Variants in CPED1 observed in about 807,000 individuals in gnomAD.
CPED1 encodes the protein cadherin like and PC-esterase domain containing 1.
In CPED1, 114 loss-of-function variants were observed where a neutral mutation model predicts 128.2. That is an observed-to-expected ratio of 0.89 (90% confidence interval 0.76 to 1.04). The LOEUF is 1.04. CPED1 is among the 50% of genes least tolerant of loss of function. The probability of loss-of-function intolerance (pLI) is 0.00; values close to 1 mark genes in which losing one functional copy is unlikely to be tolerated. For synonymous variants in CPED1, 462 were observed against 426.7 expected (o/e 1.08, Z -1.02); for missense variants, 1,211 against 1,207.1 (o/e 1.00, Z -0.05).
intron 14 of CPED1, 51 bp downstream of exon 14, chr7:121,136,141 G>A: frequency 6.7e-7 from 1 of 1,497,644 alleles, no homozygotes; most frequent in Admixed American, 2.6e-5. Flanking sequence ...TTAGGGAACA[G>A]CCTTACTTTG....
rs1387991906 is a variant in CPED1, at chr7:121,216,262, A to G, written c.2056-20452A>G. On this transcript the variant is annotated intron_variant, in intron 16 of 22. Coordinates refer to ENST00000310396, the MANE Select transcript of CPED1 (RefSeq NM_024913.5). The stretch of plus-strand genomic sequence containing the variant: ...CTGCTGTCTTGTGTGCGTGGCTTCC[A>G]TCTCTGGTCCAAAGTGTCTGCATGC... 3.9e-5 allele frequency among the ~76,000 whole-genome samples: 5 copies of G among 129,300 alleles called. 1 individual carries two copies. The highest frequency in any genetic ancestry group is 1.5e-4 in the African/African-American group (5 of 34,342). The allele number at this position is 129,300 out of a possible 152,430, so 84.8% of individuals were successfully genotyped here. A position where few individuals can be genotyped will look rare whatever the true frequency, so the allele number is the denominator to read the frequency against.
intron 2 of CPED1, among the ~76,000 whole-genome samples, chr7:120,991,966 A>T (rs1210389850): frequency 6.6e-6 from 1 of 152,188 alleles, no homozygotes; most frequent in Non-Finnish European, 1.5e-5. Context: ...GACAGAAAGG[A>T]AGTGAGAAAG....
rs574037475 is a variant in CPED1 at position 121,171,272 on chromosome 7, G to A, written c.2055+29131G>A. ...TAAAATTACTCAAACTTAAATTCCT[G>A]CCTTTAATACGCTTTTACATATTTT... On this transcript the variant is annotated intron_variant, in intron 16 of 22. Coordinates refer to ENST00000310396, the MANE Select transcript of CPED1 (RefSeq NM_024913.5). 2.0e-5 allele frequency among the ~76,000 whole-genome samples: 3 copies of A among 152,140 alleles called. No homozygotes were observed. In the South Asian group the frequency reaches 6.2e-4, roughly 32 times the overall value.
chr7:121,065,362 C>T (rs1793804146), intron 5 of CPED1, among the ~76,000 whole-genome samples: 1 of 151,890 alleles, frequency 6.6e-6, no homozygotes, highest in Admixed American at 6.6e-5. Context: ...TTTTTGTAAA[C>T]TCTAGCTGGA....
intron 16 of CPED1, among the ~76,000 whole-genome samples, chr7:121,156,359 T>C (rs1584554468): frequency 6.6e-6 from 1 of 152,216 alleles, no homozygotes; most frequent in East Asian, 1.9e-4. Context: ...AGAAAGAAAG[T>C]CAATATAGGT....
chr7:121,142,532 A>G (rs1795930413), intron 16 of CPED1, among the ~76,000 whole-genome samples: 1 of 152,174 alleles, frequency 6.6e-6, no homozygotes, highest in African/African-American at 2.4e-5. Context: ...GAAGAATAAG[A>G]GGAAAATTTA....
At position 121,250,956 on chromosome 7, in the gene CPED1, A is replaced by T. The variant is rs539132622; in HGVS notation, c.2310+6618A>T. Among the ~76,000 whole-genome samples, 4 of 152,334 alleles carry T rather than the reference A, an allele frequency of 2.6e-5. No individual in the cohort carries two copies. The East Asian group carries it at 5.8e-4, about 22-fold the overall frequency. ...AATAGAAAAAAAGGGAATCCTCCCT[A>T]ACTCATTTTATGAGGCCAGCATCAT... On this transcript the variant is annotated intron_variant, in intron 18 of 22. Coordinates refer to ENST00000310396, the MANE Select transcript of CPED1 (RefSeq NM_024913.5).
intron 7 of CPED1, among the ~76,000 whole-genome samples, chr7:121,105,123 G>C (rs1794942675): frequency 1.3e-5 from 2 of 152,016 alleles, no homozygotes; most frequent in Non-Finnish European, 2.9e-5. Context: ...AATACAATCA[G>C]CAAATGTGCA....
chr7:121,181,716 A>C (rs977462075), intron 16 of CPED1, among the ~76,000 whole-genome samples: 1 of 152,136 alleles, frequency 6.6e-6, no homozygotes, highest in Admixed American at 6.6e-5. Context: ...GTTAAAACCT[A>C]TATCATCCAT....
At chr7:121,140,744 A>C (rs1795881836) in intron 14 of CPED1, 83 bp from the exon 15 acceptor site, 1 of 817,836 alleles carries the variant, frequency 1.2e-6, no homozygotes, top group African/African-American at 2.2e-5. Flanking sequence ...GGAAACAGAA[A>C]AAGAAAAACC....
intron 17 of CPED1, 144 bp from the exon 18 acceptor site, chr7:121,244,058 T>A: frequency 2.2e-6 from 2 of 929,912 alleles, no homozygotes; most frequent in Non-Finnish European, 3.5e-6. Context: ...CAGGAAGCCA[T>A]GCCTTCATTA....
chr7:121,290,296 G>A (rs1333887490), intron 22 of CPED1, among the ~76,000 whole-genome samples: 4 of 152,160 alleles, frequency 2.6e-5, no homozygotes, highest in Non-Finnish European at 5.9e-5. Flanking sequence ...TTAGTAGAAT[G>A]ATTTATAATC....
At chr7:121,248,921 C>T (rs1798602401) in intron 18 of CPED1, among the ~76,000 whole-genome samples, 2 of 152,140 alleles carry the variant, frequency 1.3e-5, no homozygotes, top group Non-Finnish European at 2.9e-5. Flanking sequence ...GAAACTCAAT[C>T]CAAGAAATCC....
intron 5 of CPED1, among the ~76,000 whole-genome samples, chr7:121,065,895 T>A (rs183828986): frequency 7.7e-4 from 118 of 152,258 alleles, no homozygotes; most frequent in African/African-American, 2.8e-3. Context: ...GAATTATTTC[T>A]ACCATCATGT....
intron 2 of CPED1, among the ~76,000 whole-genome samples, chr7:121,004,283 T>C (rs1562988679): frequency 6.6e-6 from 1 of 152,144 alleles, no homozygotes; most frequent in Non-Finnish European, 1.5e-5. Context: ...GGATTGACAA[T>C]GTTAAACAGT....
chr7:121,159,212 A>G (rs188572099), intron 16 of CPED1, among the ~76,000 whole-genome samples: 98 of 152,294 alleles, frequency 6.4e-4, no homozygotes, highest in African/African-American at 2.1e-3. Flanking sequence ...TTCACTTTTT[A>G]TTGGGTATGT....
chr7:121,224,083 C>G (rs535251415), intron 16 of CPED1, among the ~76,000 whole-genome samples: 1 of 152,230 alleles, frequency 6.6e-6, no homozygotes, highest in Non-Finnish European at 1.5e-5. Flanking sequence ...CCTGATTTCT[C>G]TTTTGGGCAT....
intron 16 of CPED1, among the ~76,000 whole-genome samples, chr7:121,193,694 C>T (rs1374399816): frequency 6.6e-6 from 1 of 151,998 alleles, no homozygotes; most frequent in African/African-American, 2.4e-5. Flanking sequence ...CTTTCAATAA[C>T]CCCACTATGT....
At chr7:121,169,670 A>C (rs181529980) in intron 16 of CPED1, among the ~76,000 whole-genome samples, 4 of 152,322 alleles carry the variant, frequency 2.6e-5, no homozygotes, top group Admixed American at 2.6e-4. Context: ...ACATGCAATA[A>C]ATATTTGTTG....
Sources: allele counts gnomAD v4.1 joint callset (sites outside exome capture counted in the v4.1 genomes callset), GRCh38; gene constraint gnomAD v4.1.1; transcripts MANE v1.5; gene names NCBI Gene and HGNC (gene_info 2026-07-23, HGNC 2026-07-21).